The following TULP4 variants were observed in gnomAD, a reference collection of about 807,000 sequenced individuals.
TULP4 encodes TUB like protein 4, also known as tubby-related protein 4.
A neutral mutation model predicts 129.0 loss-of-function variants in TULP4; 16 were observed. That is an observed-to-expected ratio of 0.12 (90% CI 0.08 to 0.19). The LOEUF is 0.19. Among genes scored for constraint, TULP4 ranks in the 10% least tolerant of loss-of-function variants. The pLI is 1.00. For synonymous variants in TULP4, 998 were observed against 854.0 expected (o/e 1.17, Z -2.94); for missense variants, 1,842 against 2,059.1 (o/e 0.89, Z 2.04).
intron 1 of TULP4, among the ~76,000 whole-genome samples, chr6:158,257,807 C>T (rs1458729879): frequency 1.3e-5 from 2 of 152,158 alleles, no homozygotes; most frequent in African/African-American, 2.4e-5. Context: ...AGCAGCGGTA[C>T]GAAATAGAGA....
At chr6:158,417,029 C>T (rs1407470641) in intron 2 of TULP4, among the ~76,000 whole-genome samples, 1 of 152,176 alleles carries the variant, frequency 6.6e-6, no homozygotes, top group African/African-American at 2.4e-5. Context: ...TGAGTAAGTG[C>T]ACCCTGTGAT....
chr6:158,364,957 G>T (rs112149184), intron 1 of TULP4, among the ~76,000 whole-genome samples: 2 of 151,802 alleles, frequency 1.3e-5, no homozygotes, highest in African/African-American at 4.8e-5. Context: ...GGATGGTCTC[G>T]ATCTCCTGAC....
In TULP4 at chr6:158,480,042, A is replaced by G. The variant is rs1779904652; in HGVS notation, c.1251+67A>G. The stretch of plus-strand genomic sequence containing the variant: ...TGCTGGCTCCCCACAGAGCCAGGGC[A>G]GAGACAGGTGAGGGTACCAGAGTGA... On this transcript the variant is annotated intron_variant, in intron 7 of 13. Coordinates refer to ENST00000367097, the MANE Select transcript of TULP4 (RefSeq NM_020245.5). 2.3e-6 allele frequency: 3 copies of G among 1,322,126 alleles called. No individual in the cohort carries two copies. In the East Asian group the frequency reaches 7.1e-5, roughly 31 times the overall value. 81.9% of individuals were successfully genotyped at this position (1,322,126 alleles called of 1,614,324 possible).
chr6:158,478,296 T>C (rs139525005), intron 6 of TULP4, among the ~76,000 whole-genome samples: 3 of 152,306 alleles, frequency 2.0e-5, no homozygotes, highest in Non-Finnish European at 2.9e-5. Flanking sequence ...CTCTAAGTTA[T>C]GAATATTGTC....
At chr6:158,505,660 C>G (rs1170229795) in intron 13 of TULP4, among the ~76,000 whole-genome samples, 2 of 152,302 alleles carry the variant, frequency 1.3e-5, no homozygotes, top group East Asian at 3.9e-4. Flanking sequence ...CATGGCGTCA[C>G]TGTCTGATGG....
In TULP4 at chr6:158,479,995, C is replaced by T. The variant is rs1206087954; in HGVS notation, c.1251+20C>T. 2 of 1,552,312 alleles carry T rather than the reference C, an allele frequency of 1.3e-6. No homozygotes were observed. Among genetic ancestry groups the T allele is most frequent in the South Asian group, 1.1e-5 (1 of 87,676 alleles). On this transcript the variant is annotated intron_variant, in intron 7 of 13. Transcript: ENST00000367097. ...ATCAAGGTAAAGCCCTCCACCCCTC[C>T]CTCTTCCTCCTCCCTCACCTGTGCT...
intron 2 of TULP4, among the ~76,000 whole-genome samples, chr6:158,422,823 A>C (rs1158975689): frequency 6.6e-6 from 1 of 152,212 alleles, no homozygotes; most frequent in Admixed American, 6.5e-5. Context: ...CCAGCCTTTA[A>C]ATATGCAAAT....
At chr6:158,368,246 A>G (rs1436433493) in intron 1 of TULP4, among the ~76,000 whole-genome samples, 2 of 152,136 alleles carry the variant, frequency 1.3e-5, no homozygotes, top group African/African-American at 2.4e-5. Context: ...TGCATAAAAA[A>G]TTATCATTAA....
chr6:158,475,642 G>T (rs1443765689), intron 6 of TULP4, among the ~76,000 whole-genome samples: 2 of 152,180 alleles, frequency 1.3e-5, no homozygotes, highest in African/African-American at 2.4e-5. Context: ...GGTACCTTCA[G>T]CATGGGTGAG....
intron 6 of TULP4, among the ~76,000 whole-genome samples, chr6:158,476,641 G>T (rs534884131): frequency 6.6e-6 from 1 of 152,114 alleles, no homozygotes; most frequent in African/African-American, 2.4e-5. Context: ...GATGAACCCC[G>T]CAGATCATTT....
intron 1 of TULP4, among the ~76,000 whole-genome samples, chr6:158,236,097 T>A (rs1242836134): frequency 1.3e-5 from 2 of 152,228 alleles, no homozygotes; most frequent in Non-Finnish European, 2.9e-5. Context: ...TTTTGCTGAA[T>A]GGAAAGGTAT....
chr6:158,461,796 T>C, intron 6 of TULP4, 67 bp downstream of exon 6: 1 of 1,503,608 alleles, frequency 6.7e-7, no homozygotes, highest in Non-Finnish European at 9.0e-7. Flanking sequence ...ATTATAATTA[T>C]TGTTGACAAA....
chr6:158,400,727 T>C (rs1301701769), intron 1 of TULP4, among the ~76,000 whole-genome samples: 4 of 152,120 alleles, frequency 2.6e-5, no homozygotes, highest in Non-Finnish European at 5.9e-5. Context: ...TTTCCTGCAG[T>C]TAGTTGAGCT....
intron 1 of TULP4, among the ~76,000 whole-genome samples, chr6:158,252,458 C>A (rs1450003281): frequency 6.6e-6 from 1 of 152,066 alleles, no homozygotes; most frequent in Non-Finnish European, 1.5e-5. Flanking sequence ...TCACTGCAGC[C>A]TTCGCCTCCT....
At chr6:158,430,617 G>A (rs111249179) in intron 3 of TULP4, among the ~76,000 whole-genome samples, 4,259 of 152,088 alleles carry the variant, frequency 0.028, 182 homozygotes, top group African/African-American at 0.092. Flanking sequence ...GCATGATGGC[G>A]GGCGCCTGTA....
At chr6:158,300,280 G>A (rs536688298) in intron 1 of TULP4, among the ~76,000 whole-genome samples, 2 of 152,164 alleles carry the variant, frequency 1.3e-5, no homozygotes, top group African/African-American at 2.4e-5. Context: ...TATTGGTCTG[G>A]GAGTTTTTCC....
At chr6:158,274,756 A>G (rs534065371) in intron 1 of TULP4, among the ~76,000 whole-genome samples, 21 of 152,302 alleles carry the variant, frequency 1.4e-4, no homozygotes, top group South Asian at 2.1e-4. Context: ...CAGCCTGGGC[A>G]ACAGAGCGAG....
intron 1 of TULP4, among the ~76,000 whole-genome samples, chr6:158,272,098 G>C (rs1208376567): frequency 1.3e-5 from 2 of 152,190 alleles, no homozygotes; most frequent in Non-Finnish European, 2.9e-5. Context: ...CTGTCACCAA[G>C]TCAGATGTGG....
At chr6:158,469,214 A>C (rs1779618273) in intron 6 of TULP4, among the ~76,000 whole-genome samples, 2 of 152,110 alleles carry the variant, frequency 1.3e-5, no homozygotes, top group African/African-American at 4.8e-5. Context: ...GAGAGATTGT[A>C]AGAGATTTGG....
Sources: allele counts gnomAD v4.1 joint callset (sites outside exome capture counted in the v4.1 genomes callset), GRCh38; gene constraint gnomAD v4.1.1; transcripts MANE v1.5; gene names NCBI Gene and HGNC (gene_info 2026-07-23, HGNC 2026-07-21).